The following TSPAN15 variants were observed in gnomAD, a reference collection of about 807,000 sequenced individuals.
TSPAN15 encodes the protein tetraspanin 15.
Under a neutral mutation model 34.5 loss-of-function variants are expected in TSPAN15, and 20 were observed. That is an observed-to-expected ratio of 0.58 (90% CI 0.41 to 0.84). The LOEUF is 0.84. TSPAN15 is among the 40% of genes least tolerant of loss of function. TSPAN15 has a pLI of 0.00. For missense variants in TSPAN15, 313 were observed against 386.1 expected (o/e 0.81, Z 1.59); for synonymous variants, 155 against 153.9 (o/e 1.01, Z -0.05).
intron 5 of TSPAN15, 128 bp from the exon 6 acceptor site, chr10:69,504,308 ATC>A: frequency 1.3e-6 from 1 of 746,212 alleles, no homozygotes; most frequent in Non-Finnish European, 2.2e-6. Context: ...CTGGGTCGGA[ATC>A]TCAGCTCCAT....
chr10:69,546,862 G>A, the TSPAN15 span, among the ~76,000 whole-genome samples: 1 of 152,218 alleles, frequency 6.6e-6, no homozygotes, highest in East Asian at 1.9e-4. Context: ...AGTTCTGTGA[G>A]GCCGGGCACA....
chr10:69,522,753 T>G, the TSPAN15 span, among the ~76,000 whole-genome samples: 87 of 147,756 alleles, frequency 5.9e-4, 6 homozygotes, highest in African/African-American at 2.1e-3. Flanking sequence ...AACCATCCCC[T>G]TCCATCCAAC....
At chr10:69,477,221 G>A (rs902250733) in intron 1 of TSPAN15, among the ~76,000 whole-genome samples, 3 of 152,012 alleles carry the variant, frequency 2.0e-5, no homozygotes, top group Non-Finnish European at 2.9e-5. Flanking sequence ...TGCAACCTCC[G>A]CCTCCCGGGT....
chr10:69,502,690 C>T (rs903113891), intron 5 of TSPAN15, among the ~76,000 whole-genome samples: 2 of 152,100 alleles, frequency 1.3e-5, no homozygotes, highest in Non-Finnish European at 2.9e-5. Flanking sequence ...TATCCCCTCA[C>T]CCCTTGGTGA....
intron 2 of TSPAN15, 44 bp from the exon 3 acceptor site, chr10:69,485,097 C>G (rs376387558): frequency 1.3e-6 from 2 of 1,580,574 alleles, no homozygotes; most frequent in Non-Finnish European, 1.7e-6. Context: ...CCCACACACG[C>G]CCACTGCTCC....
the TSPAN15 span, among the ~76,000 whole-genome samples, chr10:69,536,802 C>T: frequency 5.9e-5 from 9 of 151,994 alleles, no homozygotes; most frequent in African/African-American, 9.6e-5. Context: ...CTGACCAACA[C>T]GGCGAAACCC....
chr10:69,500,410 A>G (rs1842180729), intron 5 of TSPAN15, among the ~76,000 whole-genome samples: 1 of 152,202 alleles, frequency 6.6e-6, no homozygotes, highest in Non-Finnish European at 1.5e-5. Context: ...AGACTAATAC[A>G]GCAAGAGGAA....
At chr10:69,536,067 T>C in the TSPAN15 span, among the ~76,000 whole-genome samples, 2 of 152,232 alleles carry the variant, frequency 1.3e-5, no homozygotes, top group East Asian at 3.9e-4. Flanking sequence ...CACCAATTCA[T>C]GTACAGGATT....
intron 3 of TSPAN15, among the ~76,000 whole-genome samples, chr10:69,492,637 AGGAGGCGGGATGGTTTGG>A (rs200684602): frequency 0.017 from 2,641 of 152,246 alleles, 79 homozygotes; most frequent in African/African-American, 0.06. Context: ...GAAAGTGCCC[AGGAGGCGGGATGGTTTGG>A]GGAGGCGGGA....
At chr10:69,530,812 CTCTCTCTCTATATATATATATATA>C in the TSPAN15 span, among the ~76,000 whole-genome samples, 446 of 66,660 alleles carry the variant, frequency 6.7e-3, 2 homozygotes, top group Middle Eastern at 0.013. Context: ...CTCTCTCTCT[CTCTCTCTCTATATATATATATATA>C]TATATATATA....
chr10:69,527,961 G>T, the TSPAN15 span, among the ~76,000 whole-genome samples: 2 of 148,066 alleles, frequency 1.4e-5, no homozygotes, highest in African/African-American at 2.5e-5. Flanking sequence ...ATTGTGTTGG[G>T]GGATCTTTGG....
Position 69,506,804 on chromosome 10 carries a change from C to T in TSPAN15, c.736-25C>T. On this transcript the variant is annotated intron_variant, in intron 7 of 7. Transcript: ENST00000373290. This position sits in a 1 kb window ranked among gnomAD's most constrained non-coding sequence, Gnocchi z 4.7. ...GCTGCCCTGATTCCCAGCAGGCCCT[C>T]ACCAGCCCTGCCCCTTCTTCTCAGT... is the stretch of plus-strand genomic sequence containing the variant. 1 of 1,557,192 alleles carries T rather than the reference C, an allele frequency of 6.4e-7. No homozygotes were observed. The highest frequency in any genetic ancestry group is 1.4e-5 in the African/African-American group (1 of 73,780).
At chr10:69,539,382 A>AGAAGAG in the TSPAN15 span, among the ~76,000 whole-genome samples, 20,415 of 110,594 alleles carry the variant, frequency 0.18, 2,630 homozygotes, top group African/African-American at 0.24. Flanking sequence ...AAATAGAAGA[A>AGAAGAG]GAAGAGGAAG....
intron 1 of TSPAN15, among the ~76,000 whole-genome samples, chr10:69,470,419 C>T (rs1841479741): frequency 6.6e-6 from 1 of 152,186 alleles, no homozygotes; most frequent in African/African-American, 2.4e-5. Context: ...GTGAGACTCC[C>T]CTGCTTAAAT....
At chr10:69,531,946 A>C in the TSPAN15 span, among the ~76,000 whole-genome samples, 8 of 128,212 alleles carry the variant, frequency 6.2e-5, no homozygotes, top group Non-Finnish European at 1.0e-4. Flanking sequence ...AAAACAAAAA[A>C]AAAACAAAAA....
chr10:69,539,961 C>CT, the TSPAN15 span, among the ~76,000 whole-genome samples: 31,514 of 146,652 alleles, frequency 0.21, 3,425 homozygotes, highest in East Asian at 0.31. Flanking sequence ...AAAATGTAGT[C>CT]TTTTTTTTTT....
At chr10:69,544,234 T>C in the TSPAN15 span, among the ~76,000 whole-genome samples, 1 of 152,216 alleles carries the variant, frequency 6.6e-6, no homozygotes, top group Admixed American at 6.5e-5. Flanking sequence ...TTTGAAACAT[T>C]TATTTAAAGT....
At chr10:69,478,460 C>T (rs1305339565) in intron 1 of TSPAN15, among the ~76,000 whole-genome samples, 1 of 152,152 alleles carries the variant, frequency 6.6e-6, no homozygotes. Flanking sequence ...GTTCTCAGGG[C>T]CTTCCAGGAA....
At chr10:69,513,795 C>T in the TSPAN15 span, among the ~76,000 whole-genome samples, 1 of 152,236 alleles carries the variant, frequency 6.6e-6, no homozygotes, top group Non-Finnish European at 1.5e-5. Context: ...CTGTTTTGTA[C>T]ATGCATATCC....
Sources: gnomAD v4.1 joint callset for allele counts (sites outside exome capture counted in the v4.1 genomes callset) on GRCh38, gnomAD v4.1.1 for gene constraint, Gnocchi (gnomAD v3.1) non-coding constraint, MANE v1.5 for transcripts, NCBI Gene and HGNC (gene_info 2026-07-23, HGNC 2026-07-21) for gene names.